Variants in SLC7A11 observed in about 807,000 individuals in gnomAD.
SLC7A11 encodes cystine/glutamate transporter.
A neutral mutation model predicts 54.5 loss-of-function variants in SLC7A11; 35 were observed. The ratio of observed to expected loss-of-function variants is 0.64; its 90% CI spans 0.49 to 0.85. The LOEUF is 0.85. Ranked by LOEUF, SLC7A11 falls within the 40% of genes least tolerant of loss-of-function variation. The probability of loss-of-function intolerance (pLI) is 0.00; values close to 1 mark genes in which losing one functional copy is unlikely to be tolerated. For missense variants in SLC7A11, 583 were observed against 618.1 expected (o/e 0.94, Z 0.60); for synonymous variants, 230 against 225.2 (o/e 1.02, Z -0.19).
intron 6 of SLC7A11, among the ~76,000 whole-genome samples, chr4:138,203,820 CA>C (rs1737344508): frequency 6.6e-6 from 1 of 152,002 alleles, no homozygotes; most frequent in African/African-American, 2.4e-5. Context: ...TCAAAACTTG[CA>C]ACAGTTTTCC....
At chr4:138,238,738 C>G (rs1339106596) in intron 1 of SLC7A11, among the ~76,000 whole-genome samples, 1 of 151,882 alleles carries the variant, frequency 6.6e-6, no homozygotes, top group Non-Finnish European at 1.5e-5. Flanking sequence ...TAGCTGGGAC[C>G]ACAGGTACAC....
intron 6 of SLC7A11, among the ~76,000 whole-genome samples, chr4:138,192,680 T>G (rs1397422213): frequency 6.6e-6 from 1 of 152,128 alleles, no homozygotes; most frequent in East Asian, 1.9e-4. Context: ...AAGCATATGA[T>G]ATAAAATTAT....
chr4:138,207,689 GTA>G, intron 6 of SLC7A11, among the ~76,000 whole-genome samples: 1 of 152,130 alleles, frequency 6.6e-6, no homozygotes, highest in Admixed American at 6.6e-5. Flanking sequence ...GGGCAGCACA[GTA>G]AGTGAGACTC....
At position 138,170,271 on chromosome 4, in the gene SLC7A11, T is replaced by TATATATATATATATATACAC. The variant is rs752680028; in HGVS notation, c.*1684_*1685insGTGTATATATATATATATAT. ...GTGTGTATATATATATATATATATA[T>TATATATATATATATATACAC]ACACACACACACACACACACACATA... is the stretch of plus-strand genomic sequence containing the variant. On this transcript the variant is annotated 3_prime_UTR_variant, in exon 12 of 12. Coordinates refer to ENST00000280612, the MANE Select transcript of SLC7A11 (RefSeq NM_014331.4). 13 of 86,240 alleles carry TATATATATATATATATACAC rather than the reference T, an allele frequency of 1.5e-4. No individual in the cohort carries two copies. Among genetic ancestry groups the TATATATATATATATATACAC allele is most frequent in the East Asian group, 7.1e-4 (2 of 2,832 alleles). 5.3% of individuals were successfully genotyped at this position (86,240 alleles called of 1,614,324 possible).
chr4:138,205,418 G>A (rs1250054845), intron 6 of SLC7A11, among the ~76,000 whole-genome samples: 1 of 152,032 alleles, frequency 6.6e-6, no homozygotes, highest in Non-Finnish European at 1.5e-5. Flanking sequence ...AATAATCTAA[G>A]TCAGTGTTTG....
intron 6 of SLC7A11, among the ~76,000 whole-genome samples, chr4:138,193,154 G>A (rs916651242): frequency 3.9e-5 from 6 of 152,002 alleles, no homozygotes; most frequent in East Asian, 1.9e-4. Flanking sequence ...CCCACCAAAC[G>A]AACTACTGCT....
rs900033122 is a variant in SLC7A11 at position 138,183,419 on chromosome 4, G to A, written c.916-114C>T. 43 of 686,524 alleles carry A rather than the reference G, an allele frequency of 6.3e-5. No individual in the cohort carries two copies. In the African/African-American group the frequency reaches 7.4e-4, roughly 12 times the overall value. The allele number at this position is 686,524 out of a possible 1,614,324, so 42.5% of individuals were successfully genotyped here. On this transcript the variant is annotated intron_variant, in intron 7 of 11. Coordinates refer to ENST00000280612, the MANE Select transcript of SLC7A11 (RefSeq NM_014331.4). ...TCTATTAGCCTGGTGATACTTGTAT[G>A]TTTTATAATTTCTCTCTTTGGTTAG...
At chr4:138,187,336 T>A (rs1284908877) in intron 6 of SLC7A11, among the ~76,000 whole-genome samples, 2 of 152,200 alleles carry the variant, frequency 1.3e-5, no homozygotes, top group East Asian at 3.9e-4. Flanking sequence ...TGGGCTGCTA[T>A]GTGCCCAACA....
intron 5 of SLC7A11, among the ~76,000 whole-genome samples, chr4:138,217,141 G>A (rs1339166091): frequency 8.1e-6 from 1 of 123,636 alleles, no homozygotes; most frequent in East Asian, 2.0e-4. Context: ...TCACAAAGCA[G>A]CATTCAGGTA....
rs1031793637 is a variant in SLC7A11, at chr4:138,167,714, G to T, written c.*4242C>A. ...TATACAATGCCATATTTTAATTCCT[G>T]ACTGAATGGTTAGGAAAGCAAAATG... is the stretch of plus-strand genomic sequence containing the variant. On this transcript the variant is annotated 3_prime_UTR_variant, in exon 12 of 12. Transcript: ENST00000280612. The T allele has an allele frequency of 4.6e-5, 7 of 152,012 alleles. No homozygotes were observed. Among genetic ancestry groups the T allele is most frequent in the African/African-American group, 1.7e-4 (7 of 41,378 alleles). The allele number at this position is 152,012 out of a possible 1,614,324, so 9.4% of individuals were successfully genotyped here.
rs967801565 is a variant in SLC7A11, at chr4:138,165,937, T to C, written c.*6019A>G. On this transcript the variant is annotated 3_prime_UTR_variant, in exon 12 of 12. Transcript: ENST00000280612. ...TGTGCAATAATCATAGTGATTTACATTGCTTTTCTTCTTTCAGAGCAATAA... is the reference window on the plus strand; with the variant it reads ...TGTGCAATAATCATAGTGATTTACACTGCTTTTCTTCTTTCAGAGCAATAA... 4 of 152,170 alleles carry C rather than the reference T, an allele frequency of 2.6e-5. No homozygotes were observed. The highest frequency in any genetic ancestry group is 1.3e-4 in the Admixed American group (2 of 15,276). The allele number at this position is 152,170 out of a possible 1,614,324, so 9.4% of individuals were successfully genotyped here.
intron 11 of SLC7A11, among the ~76,000 whole-genome samples, chr4:138,178,756 C>T (rs978196508): frequency 6.6e-6 from 1 of 152,158 alleles, no homozygotes. Context: ...TATAATCCTT[C>T]ATGAGTCACC....
At chr4:138,184,926 T>A (rs1736839357) in intron 7 of SLC7A11, among the ~76,000 whole-genome samples, 195 bp downstream of exon 7, 1 of 152,144 alleles carries the variant, frequency 6.6e-6, no homozygotes, top group Non-Finnish European at 1.5e-5. Context: ...TAATGGGAAA[T>A]CATATAGGAA....
In SLC7A11 at chr4:138,239,057, A is replaced by G. The variant is rs183886416; in HGVS notation, c.278-2606T>C. ...CGAGTCTGCAGACTAATATTTGGGG[A>G]ACACTGATGTATTTCATCTACCTAT... On this transcript the variant is annotated intron_variant, in intron 1 of 11. Transcript: ENST00000280612. Among the ~76,000 whole-genome samples, 540 of 152,372 alleles carry G rather than the reference A, an allele frequency of 3.5e-3. 2 individuals carry two copies. The highest frequency in any genetic ancestry group is 0.011 in the African/African-American group (462 of 41,592).
At chr4:138,201,233 A>AT (rs1737274897) in intron 6 of SLC7A11, among the ~76,000 whole-genome samples, 1 of 151,924 alleles carries the variant, frequency 6.6e-6, no homozygotes, top group Non-Finnish European at 1.5e-5. Context: ...ATCATGAACT[A>AT]TTTTTCATAT....
chr4:138,231,365 A>T (rs1738073666), intron 3 of SLC7A11, among the ~76,000 whole-genome samples: 1 of 152,168 alleles, frequency 6.6e-6, no homozygotes. Flanking sequence ...AAATAAATGA[A>T]TTACAGGCAA....
chr4:138,202,294 C>T (rs975234167), intron 6 of SLC7A11, among the ~76,000 whole-genome samples: 6 of 152,012 alleles, frequency 3.9e-5, no homozygotes, highest in Non-Finnish European at 8.8e-5. Context: ...TCACAAGACA[C>T]TCTACTTAAG....
chr4:138,195,944 G>T (rs1317084452), intron 6 of SLC7A11, among the ~76,000 whole-genome samples: 2 of 151,952 alleles, frequency 1.3e-5, no homozygotes, highest in African/African-American at 4.8e-5. Context: ...GGCCTCTTTT[G>T]TTGTTGTTTT....
intron 3 of SLC7A11, among the ~76,000 whole-genome samples, chr4:138,228,051 G>A (rs1737984045): frequency 6.6e-6 from 1 of 152,126 alleles, no homozygotes; most frequent in Admixed American, 6.6e-5. Flanking sequence ...TAATTTAATG[G>A]TGCCAGGAAA....
Sources: gnomAD v4.1 joint callset for allele counts (sites outside exome capture counted in the v4.1 genomes callset) on GRCh38, gnomAD v4.1.1 for gene constraint, MANE v1.5 for transcripts, NCBI Gene and HGNC (gene_info 2026-07-23, HGNC 2026-07-21) for gene names.